The following LDHB variants were observed in gnomAD, a reference collection of about 807,000 sequenced individuals.
The protein encoded by LDHB is lactate dehydrogenase B.
LDHB carries 18 observed loss-of-function variants against 33.4 expected under a neutral mutation model. The ratio of observed to expected loss-of-function variants is 0.54; its 90% CI spans 0.37 to 0.80. LDHB has a LOEUF of 0.80. Among genes scored for constraint, LDHB ranks in the 30% least tolerant of loss-of-function variants. The probability of loss-of-function intolerance (pLI) is 0.00; values close to 1 mark genes in which losing one functional copy is unlikely to be tolerated. For synonymous variants in LDHB, 121 were observed against 140.6 expected, an observed-to-expected ratio of 0.86 and a Z score of 0.98; for missense variants, 345 against 407.9, an observed-to-expected ratio of 0.85 and a Z score of 1.33.
In LDHB at chr12:21,637,053, T is replaced by G; in HGVS notation, c.837+18A>C. On this transcript the variant is annotated intron_variant, in intron 7 of 7. Coordinates refer to ENST00000350669, the MANE Select transcript of LDHB (RefSeq NM_002300.8). ...CAATGCGAGAAATCATATTACATTT[T>G]GTGGTAGTTTGTCTTACCTTTACCA... 6.3e-7 allele frequency: 1 copy of G among 1,580,458 alleles called. No individual in the cohort carries two copies. Among genetic ancestry groups the G allele is most frequent in the Non-Finnish European group, 8.7e-7 (1 of 1,151,874 alleles).
intron 2 of LDHB, among the ~76,000 whole-genome samples, chr12:21,649,957 T>C (rs1039130458): frequency 2.6e-5 from 4 of 152,008 alleles, no homozygotes; most frequent in South Asian, 4.1e-4. Flanking sequence ...CCGGGCATGG[T>C]GGCATGCACC....
chr12:21,653,094 A>T (rs1938740005), intron 2 of LDHB, among the ~76,000 whole-genome samples: 2 of 152,210 alleles, frequency 1.3e-5, no homozygotes, highest in African/African-American at 2.4e-5. Context: ...TGAAATAAAT[A>T]AGAAAAGGGC....
At chr12:21,641,892 G>T in intron 5 of LDHB, 60 bp downstream of exon 5, 5 of 1,423,688 alleles carry the variant, frequency 3.5e-6, no homozygotes, top group East Asian at 4.7e-5. Flanking sequence ...GAAATAAAAT[G>T]AAAAATTCAA....
In LDHB at chr12:21,637,121, A is replaced by G. The variant is rs1476544702; in HGVS notation, c.787T>C (p.Ser263Pro). 1 of 1,608,092 alleles carries G rather than the reference A, an allele frequency of 6.2e-7. No homozygotes were observed. The highest frequency in any genetic ancestry group is 2.2e-5 in the East Asian group (1 of 44,724). The change falls in exon 7 of 8, where the codon TCC (serine) becomes CCC (proline). Residue 263 changes from serine to proline, a missense_variant. Physicochemically the swap from Ser to Pro is moderately conservative, Grantham distance 74. Transcript: ENST00000350669. ...ATCCTGGATAGATTTTTCAACATGG[A>G]TTCAATAAGATCAGCCACACTTAAT... is the stretch of plus-strand genomic sequence containing the variant. ...IGLSVADLIE[S>P]MLKNLSRIHP...
At chr12:21,651,102 T>C (rs906015735) in intron 2 of LDHB, among the ~76,000 whole-genome samples, 5 of 152,162 alleles carry the variant, frequency 3.3e-5, no homozygotes, top group Admixed American at 1.3e-4. Context: ...AAAAATGAGA[T>C]TGGCATTTGG....
intron 1 of LDHB, chr12:21,657,519 T>A (rs542900569): frequency 6.5e-6 from 1 of 152,846 alleles, no homozygotes; most frequent in South Asian, 2.1e-4. Flanking sequence ...GTCTCTCCGC[T>A]GAGCCGCAGC....
At chr12:21,653,755 C>A (rs1215168238) in intron 2 of LDHB, among the ~76,000 whole-genome samples, 1 of 151,934 alleles carries the variant, frequency 6.6e-6, no homozygotes, top group Non-Finnish European at 1.5e-5. Context: ...TATTTTCTTG[C>A]CATTCTTAAA....
chr12:21,641,655 T>C (rs1321491716), intron 5 of LDHB, among the ~76,000 whole-genome samples: 1 of 152,062 alleles, frequency 6.6e-6, no homozygotes, highest in African/African-American at 2.4e-5. Flanking sequence ...AAGTGTACTG[T>C]GGTTATGAAA....
chr12:21,639,700 A>C (rs1303320227), intron 5 of LDHB, among the ~76,000 whole-genome samples: 2 of 152,076 alleles, frequency 1.3e-5, no homozygotes, highest in Non-Finnish European at 2.9e-5. Context: ...CTTGCTAGTC[A>C]CATTATCTTG....
At chr12:21,654,477 G>T in intron 2 of LDHB, 66 bp downstream of exon 2, 1 of 1,468,824 alleles carries the variant, frequency 6.8e-7, no homozygotes, top group East Asian at 2.3e-5. Context: ...AAAATTCCAA[G>T]GTGCCCAAAG....
rs1450004646 is a variant in LDHB at position 21,655,759 on chromosome 12, G to A, written c.-6-1082C>T. ...AAAAAAAACAAAACCGAAACCTGTT[G>A]GAAAATGAACGATCTGTACAGTAAC... On this transcript the variant is annotated intron_variant, in intron 1 of 7. Coordinates refer to ENST00000350669, the MANE Select transcript of LDHB (RefSeq NM_002300.8). Among the ~76,000 whole-genome samples, 6 of 152,164 alleles carry A rather than the reference G, an allele frequency of 3.9e-5. No homozygotes were observed. The East Asian group carries it at 1.2e-3, about 29-fold the overall frequency.
rs764789602 is a variant in LDHB, at chr12:21,635,652, G to A, written c.895C>T (p.Arg299Trp). 1.7e-5 allele frequency: 28 copies of A among 1,613,404 alleles called. No individual in the cohort carries two copies. Among genetic ancestry groups the A allele is most frequent in the African/African-American group, 8.0e-5 (6 of 74,798 alleles). Residue 299 changes from arginine (R) to tryptophan (W), a missense_variant, in exon 8 of 8, where the codon CGG (arginine) becomes TGG (tryptophan). By Grantham distance (101) the Arg-to-Trp change is moderately radical. Coordinates refer to ENST00000350669, the MANE Select transcript of LDHB (RefSeq NM_002300.8). ...TGGTTGATAACGCTGGTTAATCCCC[G>A]GGCATTGAGGATACATGGAAGGCTC... is the stretch of plus-strand genomic sequence containing the variant. ...FLSLPCILNA[R>W]GLTSVINQKL... is the part of the protein sequence containing the mutation.
intron 5 of LDHB, among the ~76,000 whole-genome samples, chr12:21,641,579 T>C (rs1240900902): frequency 6.6e-6 from 1 of 152,192 alleles, no homozygotes; most frequent in Admixed American, 6.6e-5. Flanking sequence ...AGACAGTTGA[T>C]AACTTGTGAA....
chr12:21,636,634 G>A (rs1938225327), intron 7 of LDHB, among the ~76,000 whole-genome samples: 1 of 151,998 alleles, frequency 6.6e-6, no homozygotes, highest in African/African-American at 2.4e-5. Context: ...TATAATTTTA[G>A]TTTTGTTTAA....
chr12:21,648,153 T>C (rs941255897), intron 2 of LDHB, among the ~76,000 whole-genome samples: 1 of 152,218 alleles, frequency 6.6e-6, no homozygotes, highest in African/African-American at 2.4e-5. Context: ...ATCCCTCCTA[T>C]TGAAACATCA....
chr12:21,653,344 C>T (rs553068977), intron 2 of LDHB, among the ~76,000 whole-genome samples: 55 of 152,248 alleles, frequency 3.6e-4, no homozygotes, highest in African/African-American at 1.3e-3. Context: ...ACCCAGGTCA[C>T]GAGCCAGTAC....
chr12:21,636,644 A>C (rs1031872477), intron 7 of LDHB, among the ~76,000 whole-genome samples: 1 of 152,100 alleles, frequency 6.6e-6, no homozygotes, highest in African/African-American at 2.4e-5. Flanking sequence ...GTTTTGTTTA[A>C]AAAATCATTA....
chr12:21,655,857 G>A (rs367997770), intron 1 of LDHB, among the ~76,000 whole-genome samples: 33 of 152,222 alleles, frequency 2.2e-4, no homozygotes, highest in East Asian at 5.8e-4. Context: ...AAAACTTATC[G>A]AAATAAACAT....
chr12:21,640,344 G>A (rs955352807), intron 5 of LDHB, among the ~76,000 whole-genome samples: 5 of 15,000 alleles, frequency 3.3e-4, no homozygotes, highest in African/African-American at 3.7e-4. Context: ...TGAACACGAA[G>A]CACTAAAAAA....
Sources: allele counts gnomAD v4.1 joint callset (sites outside exome capture counted in the v4.1 genomes callset), GRCh38; gene constraint gnomAD v4.1.1; transcripts MANE v1.5; gene names NCBI Gene and HGNC (gene_info 2026-07-23, HGNC 2026-07-21).